The following SGCZ variants were observed in gnomAD, a reference collection of about 807,000 sequenced individuals.
SGCZ encodes the protein sarcoglycan zeta.
A neutral mutation model predicts 41.3 loss-of-function variants in SGCZ; 40 were observed. That is an observed-to-expected ratio of 0.97 (90% CI 0.75 to 1.26). The LOEUF is 1.26. Among genes scored for constraint, SGCZ ranks in the 50% most tolerant of loss-of-function variants. The pLI is 0.00. For missense variants in SGCZ, 552 were observed against 369.8 expected (o/e 1.49, Z -4.04); for synonymous variants, 206 against 137.5 (o/e 1.50, Z -3.49).
intron 4 of SGCZ, among the ~76,000 whole-genome samples, chr8:14,231,646 T>A (rs1276931710): frequency 6.6e-6 from 1 of 152,186 alleles, no homozygotes; most frequent in Non-Finnish European, 1.5e-5. Context: ...ACCCTTTTTG[T>A]TATGAATCCA....
chr8:14,366,897 C>T (rs962106991), intron 2 of SGCZ, among the ~76,000 whole-genome samples: 4 of 152,152 alleles, frequency 2.6e-5, no homozygotes, highest in African/African-American at 9.6e-5. Context: ...GTCATGAGGT[C>T]TGTAACATAC....
chr8:14,283,977 G>C (rs1800534885), intron 3 of SGCZ, among the ~76,000 whole-genome samples: 1 of 152,004 alleles, frequency 6.6e-6, no homozygotes, highest in African/African-American at 2.4e-5. Flanking sequence ...TTCAACTTTT[G>C]TTTTATATAA....
In SGCZ at chr8:14,740,185, C is replaced by G. The variant is rs372880940; in HGVS notation, c.40-185259G>C. The stretch of plus-strand genomic sequence containing the variant: ...TCTAGAGTCATTGACTTTAATACAT[C>G]TCCTGGAAAAAGATAAAAGTTTATT... On this transcript the variant is annotated intron_variant, in intron 1 of 7. Coordinates refer to ENST00000382080, the MANE Select transcript of SGCZ (RefSeq NM_139167.4). Among the ~76,000 whole-genome samples the G allele has an allele frequency of 9.3e-4, 141 of 152,112 alleles. 1 individual carries two copies. Among genetic ancestry groups the G allele is most frequent in the African/African-American group, 3.2e-3 (133 of 41,536 alleles).
At chr8:14,876,402 A>G (rs1290887638) in intron 1 of SGCZ, among the ~76,000 whole-genome samples, 3 of 152,176 alleles carry the variant, frequency 2.0e-5, no homozygotes, top group African/African-American at 7.2e-5. Flanking sequence ...GAAAGACAAA[A>G]CACCTCAAGT....
chr8:15,096,988 T>A (rs1472934310), intron 1 of SGCZ, among the ~76,000 whole-genome samples: 2 of 152,084 alleles, frequency 1.3e-5, no homozygotes, highest in Non-Finnish European at 2.9e-5. Flanking sequence ...CCTAGCCTTA[T>A]TTTATTTTTT....
chr8:15,224,569 G>A (rs1011513581), intron 1 of SGCZ, among the ~76,000 whole-genome samples: 3 of 151,984 alleles, frequency 2.0e-5, no homozygotes, highest in African/African-American at 7.2e-5. Context: ...TAAAATGCCA[G>A]AAATAAAACC....
At chr8:14,462,196 T>G (rs1307677570) in intron 2 of SGCZ, among the ~76,000 whole-genome samples, 1 of 151,878 alleles carries the variant, frequency 6.6e-6, no homozygotes, top group Non-Finnish European at 1.5e-5. Context: ...GATTTGACAT[T>G]AAGGAATTTG....
At chr8:14,426,839 A>T (rs1343085323) in intron 2 of SGCZ, among the ~76,000 whole-genome samples, 1 of 152,180 alleles carries the variant, frequency 6.6e-6, no homozygotes, top group African/African-American at 2.4e-5. Context: ...TCATGAAGGG[A>T]TTGAATGGAT....
intron 1 of SGCZ, among the ~76,000 whole-genome samples, chr8:14,739,279 A>G (rs1291444800): frequency 1.3e-5 from 2 of 152,048 alleles, no homozygotes; most frequent in Admixed American, 6.6e-5. Context: ...GGGAAAAATC[A>G]AACATATAAA....
chr8:14,621,274 C>A (rs1283454582), intron 1 of SGCZ, among the ~76,000 whole-genome samples: 4 of 114,460 alleles, frequency 3.5e-5, no homozygotes, highest in African/African-American at 1.4e-4. Flanking sequence ...ACATCACACA[C>A]TGGGGCCTGT....
intron 1 of SGCZ, among the ~76,000 whole-genome samples, chr8:14,652,702 A>T (rs188782026): frequency 6.6e-6 from 1 of 152,228 alleles, no homozygotes; most frequent in Admixed American, 6.5e-5. Context: ...CTAAAATTGA[A>T]TAGGAAAGGA....
intron 1 of SGCZ, among the ~76,000 whole-genome samples, chr8:14,842,067 T>G (rs1305903911): frequency 6.6e-6 from 1 of 152,166 alleles, no homozygotes; most frequent in Non-Finnish European, 1.5e-5. Flanking sequence ...TGGGGTAGAT[T>G]CTAGTAAGAC....
intron 1 of SGCZ, among the ~76,000 whole-genome samples, chr8:15,176,755 A>G (rs1800011188): frequency 6.6e-6 from 1 of 152,228 alleles, no homozygotes; most frequent in African/African-American, 2.4e-5. Flanking sequence ...TAATCCCAGC[A>G]CTTTGGGAGG....
intron 7 of SGCZ, among the ~76,000 whole-genome samples, chr8:14,100,949 C>A (rs1369202079): frequency 1.3e-5 from 2 of 151,610 alleles, no homozygotes; most frequent in Non-Finnish European, 2.9e-5. Flanking sequence ...AAATAAAACA[C>A]CTAGGGAATG....
chr8:15,232,835 G>C (rs1303713221), intron 1 of SGCZ, among the ~76,000 whole-genome samples: 2 of 149,070 alleles, frequency 1.3e-5, no homozygotes, highest in African/African-American at 2.5e-5. Context: ...ATAGCTAATA[G>C]GGTACATTTC....
Position 14,646,766 on chromosome 8 carries a change from T to A in SGCZ, c.40-91840A>T, listed in dbSNP as rs536298464. Reference sequence around the variant, plus strand: ...CTTATTAAAAATTATTTTGTTCAATTGTCCATTTTTTTGTTCATATATTCA... The same window carrying A: ...CTTATTAAAAATTATTTTGTTCAATAGTCCATTTTTTTGTTCATATATTCA... On this transcript the variant is annotated intron_variant, in intron 1 of 7. Transcript: ENST00000382080. Among the ~76,000 whole-genome samples, 5 of 152,026 alleles carry A rather than the reference T, an allele frequency of 3.3e-5. No individual in the cohort carries two copies. The East Asian group carries it at 9.7e-4, about 29-fold the overall frequency.
chr8:14,557,728 A>G (rs1804076346), intron 1 of SGCZ, among the ~76,000 whole-genome samples: 1 of 151,994 alleles, frequency 6.6e-6, no homozygotes, highest in Non-Finnish European at 1.5e-5. Context: ...AAACACAAAT[A>G]GAGAATCTCA....
intron 3 of SGCZ, among the ~76,000 whole-genome samples, chr8:14,292,568 G>T (rs1298429295): frequency 2.0e-5 from 3 of 152,052 alleles, no homozygotes; most frequent in Non-Finnish European, 4.4e-5. Context: ...AGGCTGCTTT[G>T]TGTTAGCTCC....
chr8:14,656,158 T>C (rs1414377127), intron 1 of SGCZ, among the ~76,000 whole-genome samples: 1 of 152,082 alleles, frequency 6.6e-6, no homozygotes, highest in Non-Finnish European at 1.5e-5. Flanking sequence ...AAACTGTTTA[T>C]CCAAAGTGAC....
Sources: gnomAD v4.1 joint callset for allele counts (sites outside exome capture counted in the v4.1 genomes callset) on GRCh38, gnomAD v4.1.1 for gene constraint, MANE v1.5 for transcripts, NCBI Gene and HGNC (gene_info 2026-07-23, HGNC 2026-07-21) for gene names.